The following ZNF438 variants were observed in gnomAD, a reference collection of about 807,000 sequenced individuals.
ZNF438 encodes zinc finger protein 438.
ZNF438 carries 25 observed loss-of-function variants against 38.0 expected under a neutral mutation model. That is an observed-to-expected ratio of 0.66 (90% CI 0.48 to 0.92). ZNF438 has a LOEUF of 0.92. Among genes scored for constraint, ZNF438 ranks in the 40% least tolerant of loss-of-function variants. ZNF438 has a pLI of 0.00. For missense variants in ZNF438, 1,007 were observed against 999.6 expected (o/e 1.01, Z -0.10); for synonymous variants, 372 against 364.1 (o/e 1.02, Z -0.25).
rs370979602 is a variant in ZNF438, at chr10:30,995,490, A to G, written c.-192+36343T>C. ...AATTTGTTGCTAGAATATCTGTTTC[A>G]CAAGAAATACTAAAGGAAATTCTTC... On this transcript the variant is annotated intron_variant, in intron 1 of 5. Transcript: ENST00000413025. 5.3e-5 allele frequency among the ~76,000 whole-genome samples: 8 copies of G among 152,368 alleles called. No homozygotes were observed. The East Asian group carries it at 1.5e-3, about 29-fold the overall frequency.
intron 3 of ZNF438, among the ~76,000 whole-genome samples, chr10:30,880,457 A>G (rs898515595): frequency 4.6e-5 from 7 of 151,628 alleles, no homozygotes; most frequent in African/African-American, 1.7e-4. Flanking sequence ...AGAAAAAGAA[A>G]AAAACAAAAA....
intron 3 of ZNF438, among the ~76,000 whole-genome samples, chr10:30,907,911 G>C (rs1372839250): frequency 6.6e-6 from 1 of 151,946 alleles, no homozygotes; most frequent in Non-Finnish European, 1.5e-5. Context: ...AAGGTGAAAA[G>C]TTGGGTTATC....
chr10:31,032,166 G>C (rs574998023), upstream of ZNF438, among the ~76,000 whole-genome samples: 8 of 152,360 alleles, frequency 5.3e-5, no homozygotes, highest in East Asian at 1.5e-3. Context: ...AAAGGGGACG[G>C]AGACCTTCAG....
chr10:30,864,548 A>G (rs1456584846), intron 4 of ZNF438, among the ~76,000 whole-genome samples: 1 of 152,226 alleles, frequency 6.6e-6, no homozygotes, highest in Non-Finnish European at 1.5e-5. Flanking sequence ...GCTCCAAAAG[A>G]GCAGGGGTTT....
intron 1 of ZNF438, among the ~76,000 whole-genome samples, chr10:31,028,710 G>A (rs1225545482): frequency 6.6e-6 from 1 of 152,136 alleles, no homozygotes; most frequent in East Asian, 1.9e-4. Context: ...GTAAAGAACT[G>A]TTTTATTCAT....
chr10:31,010,007 AC>A (rs1004563288), intron 1 of ZNF438, among the ~76,000 whole-genome samples: 41 of 151,932 alleles, frequency 2.7e-4, no homozygotes, highest in African/African-American at 9.2e-4. Flanking sequence ...TGCCATGACA[AC>A]CGGCTAATTT....
chr10:30,971,406 T>C (rs796105505), intron 1 of ZNF438, among the ~76,000 whole-genome samples: 4 of 152,178 alleles, frequency 2.6e-5, no homozygotes, highest in South Asian at 2.1e-4. Flanking sequence ...ATCTGTGGTA[T>C]GTATACATAT....
chr10:30,898,753 T>G (rs1049702212), intron 3 of ZNF438, among the ~76,000 whole-genome samples: 1 of 152,142 alleles, frequency 6.6e-6, no homozygotes, highest in Non-Finnish European at 1.5e-5. Flanking sequence ...TGGTGACCAT[T>G]ACACTCAATA....
intron 3 of ZNF438, among the ~76,000 whole-genome samples, chr10:30,908,062 T>G (rs11819485): frequency 0.067 from 10,164 of 152,178 alleles, 1,127 homozygotes; most frequent in African/African-American, 0.23. Flanking sequence ...ATTTTCTAAT[T>G]TCCCTTGTGA....
intron 1 of ZNF438, among the ~76,000 whole-genome samples, chr10:31,015,692 G>T (rs1435376105): frequency 6.6e-6 from 1 of 152,176 alleles, no homozygotes; most frequent in South Asian, 2.1e-4. Context: ...AAACTTGAAA[G>T]CAATCTAAAT....
chr10:30,943,218 G>C (rs1225808218), intron 1 of ZNF438, among the ~76,000 whole-genome samples: 1 of 152,106 alleles, frequency 6.6e-6, no homozygotes, highest in East Asian at 1.9e-4. Context: ...CTTTAGTGCA[G>C]TTAGTCATGT....
intron 1 of ZNF438, among the ~76,000 whole-genome samples, chr10:30,994,521 G>C (rs1361886354): frequency 6.6e-6 from 1 of 152,180 alleles, no homozygotes; most frequent in African/African-American, 2.4e-5. Flanking sequence ...AGCATGTGAT[G>C]CTCTGTGCCA....
chr10:31,001,944 G>C (rs566844485), intron 1 of ZNF438, among the ~76,000 whole-genome samples: 1 of 152,304 alleles, frequency 6.6e-6, no homozygotes, highest in East Asian at 1.9e-4. Flanking sequence ...CTCATTGGCA[G>C]GGCTGAGTAA....
chr10:30,994,190 T>G (rs73254419), intron 1 of ZNF438, among the ~76,000 whole-genome samples: 1,844 of 152,318 alleles, frequency 0.012, 42 homozygotes, highest in African/African-American at 0.041. Context: ...ATAGAATGAA[T>G]GAAGACTCTG....
chr10:30,857,746 T>TC, intron 4 of ZNF438: 1 of 1,465,784 alleles, frequency 6.8e-7, no homozygotes, highest in Non-Finnish European at 9.2e-7. Flanking sequence ...ACGTGTGTCC[T>TC]CCTCCTCCTC....
intron 2 of ZNF438, among the ~76,000 whole-genome samples, chr10:30,913,885 G>A (rs1174599902): frequency 2.0e-5 from 3 of 152,122 alleles, no homozygotes; most frequent in East Asian, 1.9e-4. Context: ...CTATATGTTC[G>A]GTATACAGGT....
chr10:31,011,076 C>T (rs1359465591), intron 1 of ZNF438, among the ~76,000 whole-genome samples: 1 of 152,096 alleles, frequency 6.6e-6, no homozygotes, highest in Non-Finnish European at 1.5e-5. Context: ...TGAGTGCCCT[C>T]AGCACACCAC....
chr10:31,016,054 G>A (rs2056173478), intron 1 of ZNF438, among the ~76,000 whole-genome samples: 1 of 152,184 alleles, frequency 6.6e-6, no homozygotes, highest in African/African-American at 2.4e-5. Flanking sequence ...CTAGTCCACA[G>A]TGACCAATAA....
rs571435066 is a variant in ZNF438 at position 30,966,812 on chromosome 10, C to A, written c.-191-25161G>T. On this transcript the variant is annotated intron_variant, in intron 1 of 5. Transcript: ENST00000413025. Reference sequence around the variant, plus strand: ...TTTAGACAGATTTAATCCAAAAATTCATCTACCCACCCCCCTGTAAAACTG... The same window carrying A: ...TTTAGACAGATTTAATCCAAAAATTAATCTACCCACCCCCCTGTAAAACTG... 1.6e-3 allele frequency among the ~76,000 whole-genome samples: 237 copies of A among 152,172 alleles called. 1 individual carries two copies. Among genetic ancestry groups the A allele is most frequent in the Non-Finnish European group, 1.7e-3 (116 of 68,014 alleles).
Sources: allele counts gnomAD v4.1 joint callset (sites outside exome capture counted in the v4.1 genomes callset), GRCh38; gene constraint gnomAD v4.1.1; transcripts MANE v1.5; gene names NCBI Gene and HGNC (gene_info 2026-07-23, HGNC 2026-07-21).